The following PRRC2C variants were observed in gnomAD, a reference collection of about 807,000 sequenced individuals.
The protein encoded by PRRC2C is protein PRRC2C.
PRRC2C carries 72 observed loss-of-function variants against 317.2 expected under a neutral mutation model. The observed-to-expected ratio is 0.23, with a 90% CI of 0.19 to 0.28. PRRC2C has a LOEUF of 0.28. PRRC2C is among the 10% of genes least tolerant of loss of function. PRRC2C has a pLI of 1.00. For synonymous variants in PRRC2C, 1,296 were observed against 1,205.9 expected (o/e 1.07, Z -1.55); for missense variants, 3,074 against 3,459.7 (o/e 0.89, Z 2.80).
chr1:171,571,177 A>G (rs554684291), intron 23 of PRRC2C, 143 bp from the exon 24 acceptor site: 2 of 558,426 alleles, frequency 3.6e-6, no homozygotes, highest in Non-Finnish European at 3.2e-6. Flanking sequence ...TATAAACACA[A>G]TGTGACTCTT....
At chr1:171,577,950 C>CTTTT (rs59582313) in intron 26 of PRRC2C, among the ~76,000 whole-genome samples, 158 of 103,742 alleles carry the variant, frequency 1.5e-3, no homozygotes, top group African/African-American at 5.9e-3. Context: ...GCTAATTTTT[C>CTTTT]TTTTTTTTTT....
intron 24 of PRRC2C, among the ~76,000 whole-genome samples, chr1:171,573,782 A>C (rs1050691377): frequency 6.9e-6 from 1 of 144,854 alleles, no homozygotes; most frequent in Non-Finnish European, 1.5e-5. Flanking sequence ...GGGTTCACGC[A>C]ATTCTCCTGC....
rs1386049623 is a variant in PRRC2C, at chr1:171,557,260, A to C, written c.5148A>C (p.Ala1716=). The C allele has an allele frequency of 6.5e-7, 1 of 1,547,100 alleles. No homozygotes were observed. The highest frequency in any genetic ancestry group is 8.7e-7 in the Non-Finnish European group (1 of 1,145,340). ...TTAAGGTCTGGAACAAAAAGAATGC[A>C]AATGAAAAAGGAAGAAGCCAGACTT... The part of the protein sequence containing the change: ...QVIQVWNKKN[A]NEKGRSQTSK... The change falls in exon 19 of 35, where the codon GCA becomes GCC. Residue 1716 remains alanine (A), a synonymous_variant. Transcript: ENST00000647382.
chr1:171,500,161 C>T (rs1668826635), intron 1 of PRRC2C, among the ~76,000 whole-genome samples: 1 of 152,092 alleles, frequency 6.6e-6, no homozygotes. Context: ...CCCATTGTGG[C>T]CAGAAAGAAA....
intron 3 of PRRC2C, 48 bp from the exon 4 acceptor site, chr1:171,514,488 A>T: frequency 7.2e-7 from 1 of 1,385,542 alleles, no homozygotes; most frequent in Non-Finnish European, 9.9e-7. Flanking sequence ...TATTGATTTT[A>T]TTTAAACATA....
intron 20 of PRRC2C, among the ~76,000 whole-genome samples, chr1:171,561,680 A>T (rs889828307): frequency 1.3e-5 from 2 of 152,224 alleles, no homozygotes; most frequent in Admixed American, 6.5e-5. Context: ...CTCAAGAAAG[A>T]TCTTAATGAA....
intron 1 of PRRC2C, among the ~76,000 whole-genome samples, chr1:171,505,257 A>G (rs1440052610): frequency 2.6e-5 from 4 of 151,890 alleles, no homozygotes; most frequent in Admixed American, 2.0e-4. Context: ...CGAACTCCCA[A>G]CCTTAGGTGA....
intron 1 of PRRC2C, among the ~76,000 whole-genome samples, chr1:171,493,303 C>T (rs1305895533): frequency 1.3e-5 from 2 of 152,164 alleles, no homozygotes; most frequent in Non-Finnish European, 2.9e-5. Context: ...TTCTCTTTCA[C>T]TCTCATAACA....
intron 34 of PRRC2C, among the ~76,000 whole-genome samples, chr1:171,590,827 C>T (rs1651257285): frequency 6.6e-6 from 1 of 152,146 alleles, no homozygotes; most frequent in Non-Finnish European, 1.5e-5. Context: ...CGCATATTCC[C>T]ATGTTGGAAA....
At chr1:171,584,290 A>G (rs968077840) in intron 29 of PRRC2C, 103 bp downstream of exon 29, 24 of 1,380,092 alleles carry the variant, frequency 1.7e-5, no homozygotes, top group Non-Finnish European at 2.4e-5. Flanking sequence ...GATGCAATGA[A>G]AAAAACAAAG....
At position 171,591,882 on chromosome 1, in the gene PRRC2C, GC is replaced by G; in HGVS notation, c.*36del. ...TTTATTGCAGGGGATTGGGAGGGGG[GC>G]GGGAAAACATGGAGAATTAAGTCAG... On this transcript the variant is annotated 3_prime_UTR_variant, in exon 35 of 35. Coordinates refer to ENST00000647382, the MANE Select transcript of PRRC2C (RefSeq NM_001387844.1). 2 of 536,440 alleles carry G rather than the reference GC, an allele frequency of 3.7e-6. No individual in the cohort carries two copies. The highest frequency in any genetic ancestry group is 6.6e-6 in the Non-Finnish European group (2 of 305,150). 33.2% of individuals were successfully genotyped at this position (536,440 alleles called of 1,614,324 possible). A position where few individuals can be genotyped will look rare whatever the true frequency, so the allele number is the denominator to read the frequency against.
chr1:171,563,238 A>C (rs951394195), intron 20 of PRRC2C, among the ~76,000 whole-genome samples: 3 of 152,196 alleles, frequency 2.0e-5, no homozygotes, highest in African/African-American at 7.2e-5. Context: ...AGGGATGCTC[A>C]AGTCTCATAT....
intron 1 of PRRC2C, among the ~76,000 whole-genome samples, chr1:171,502,354 C>T (rs1291093101): frequency 6.6e-6 from 1 of 152,138 alleles, no homozygotes; most frequent in Non-Finnish European, 1.5e-5. Flanking sequence ...GGCATGGGGC[C>T]TTGACATACA....
intron 28 of PRRC2C, among the ~76,000 whole-genome samples, chr1:171,580,999 A>G (rs1292848039): frequency 6.6e-6 from 1 of 152,244 alleles, no homozygotes; most frequent in Non-Finnish European, 1.5e-5. Context: ...AGGTTCAGCT[A>G]ATGAAACTTT....
chr1:171,527,125 T>C (rs182709355), intron 10 of PRRC2C, among the ~76,000 whole-genome samples: 23 of 149,756 alleles, frequency 1.5e-4, no homozygotes, highest in Admixed American at 8.7e-4. Flanking sequence ...CTAATAGATA[T>C]ATCTTTTCTT....
Position 171,541,998 on chromosome 1 carries a change from G to A in PRRC2C, c.4532G>A (p.Arg1511Gln), listed in dbSNP as rs951759557. The A allele has an allele frequency of 5.6e-6, 9 of 1,613,574 alleles. No individual in the cohort carries two copies. The East Asian group carries it at 8.9e-5, about 16-fold the overall frequency. Residue 1511 changes from arginine (R) to glutamine (Q), a missense_variant, in exon 16 of 35, where the codon CGA (arginine) becomes CAA (glutamine). Physicochemically the swap from Arg to Gln is conservative, Grantham distance 43. Around this residue, in one of 11 missense-constraint regions of PRRC2C, gnomAD observed 178 missense variants for 163.0 expected, o/e 1.09. Transcript: ENST00000647382. The surrounding 1 kb of genome is among the most constrained non-coding windows in gnomAD (Gnocchi z 4.1). ...ASESSDFNER[R>Q]ERDEKKNADL... ...GAAAGCAGTGATTTCAATGAGAGGC[G>A]AGAGAGGGATGAAAAAAAAAATGCT...
chr1:171,544,549 T>G (rs1445681859), intron 16 of PRRC2C, among the ~76,000 whole-genome samples: 1 of 152,212 alleles, frequency 6.6e-6, no homozygotes, highest in Non-Finnish European at 1.5e-5. Context: ...AGAATCAGGA[T>G]AACCAAAATA....
At chr1:171,488,267 G>A (rs1396120439) in intron 1 of PRRC2C, among the ~76,000 whole-genome samples, 1 of 152,176 alleles carries the variant, frequency 6.6e-6, no homozygotes, top group Non-Finnish European at 1.5e-5. Flanking sequence ...CAAAAATTGT[G>A]TCTGAGTTAT....
At chr1:171,580,849 T>G (rs1014392590) in intron 28 of PRRC2C, among the ~76,000 whole-genome samples, 2 of 152,190 alleles carry the variant, frequency 1.3e-5, no homozygotes, top group Non-Finnish European at 2.9e-5. Flanking sequence ...GACACTTAGT[T>G]TAGGAAGGCT....
Sources: gnomAD v4.1 joint callset for allele counts (sites outside exome capture counted in the v4.1 genomes callset) on GRCh38, gnomAD v4.1.1 for gene constraint, gnomAD v4.1.1 regional missense constraint, Gnocchi (gnomAD v3.1) non-coding constraint, MANE v1.5 for transcripts, NCBI Gene and HGNC (gene_info 2026-07-23, HGNC 2026-07-21) for gene names.